Variants in GDAP1 observed in about 807,000 individuals in gnomAD.
GDAP1 encodes the protein ganglioside induced differentiation associated protein 1.
In GDAP1, 34 loss-of-function variants were observed where a neutral mutation model predicts 40.1. That is an observed-to-expected ratio of 0.85 (90% CI 0.64 to 1.13). The LOEUF is 1.13. Ranked by LOEUF, GDAP1 falls within the 50% of genes most tolerant of loss-of-function variation. The pLI, the probability that GDAP1 is intolerant of heterozygous loss-of-function variation, is 0.00. For missense variants in GDAP1, 374 were observed against 433.7 expected (o/e 0.86, Z 1.22); for synonymous variants, 170 against 157.4 (o/e 1.08, Z -0.60).
At chr8:74,387,328 A>G (rs1810040175) in intron 2 of GDAP1, among the ~76,000 whole-genome samples, 1 of 152,204 alleles carries the variant, frequency 6.6e-6, no homozygotes, top group African/African-American at 2.4e-5. Context: ...TGTCATAAAT[A>G]GCTCTTATTA....
chr8:74,460,267 A>G (rs1806384932), intron 2 of GDAP1, among the ~76,000 whole-genome samples: 1 of 152,230 alleles, frequency 6.6e-6, no homozygotes, highest in African/African-American at 2.4e-5. Context: ...TTGATCAAGC[A>G]TTTGTTGATA....
At chr8:74,404,707 C>T (rs180709488) in intron 2 of GDAP1, among the ~76,000 whole-genome samples, 6 of 149,896 alleles carry the variant, frequency 4.0e-5, no homozygotes, top group African/African-American at 1.3e-4. Context: ...AGACCGTTCT[C>T]TTTCCTCCAT....
intron 2 of GDAP1, among the ~76,000 whole-genome samples, chr8:74,432,176 A>G (rs1174748211): frequency 2.0e-5 from 3 of 152,162 alleles, no homozygotes; most frequent in Non-Finnish European, 2.9e-5. Flanking sequence ...TGGAGGGTGC[A>G]TAACTCACAG....
intron 2 of GDAP1, among the ~76,000 whole-genome samples, chr8:74,409,891 A>G (rs967881643): frequency 6.7e-6 from 1 of 150,044 alleles, no homozygotes; most frequent in Non-Finnish European, 1.5e-5. Context: ...TTAGTTGGTC[A>G]GAAAGATGGA....
At chr8:74,403,331 G>A (rs1307771249) in intron 2 of GDAP1, among the ~76,000 whole-genome samples, 1 of 150,044 alleles carries the variant, frequency 6.7e-6, no homozygotes, top group East Asian at 1.9e-4. Flanking sequence ...AAATCTAAAA[G>A]GAGGAAATAG....
At chr8:74,439,572 C>T (rs2131570780) in intron 2 of GDAP1, among the ~76,000 whole-genome samples, 1 of 150,734 alleles carries the variant, frequency 6.6e-6, no homozygotes, top group Non-Finnish European at 1.5e-5. Context: ...TTAAACTTGT[C>T]TTGGGTTCCT....
intron 2 of GDAP1, among the ~76,000 whole-genome samples, chr8:74,461,675 A>G (rs1053927617): frequency 6.6e-6 from 1 of 152,206 alleles, no homozygotes; most frequent in African/African-American, 2.4e-5. Flanking sequence ...TTGGCATTGT[A>G]TGGATAGATT....
At chr8:74,372,824 G>C (rs1237660887) in intron 2 of GDAP1, among the ~76,000 whole-genome samples, 2 of 152,292 alleles carry the variant, frequency 1.3e-5, no homozygotes, top group East Asian at 3.9e-4. Context: ...TGGTGTTTTA[G>C]ACATGAAGTC....
chr8:74,377,805 A>C (rs749732233), intron 2 of GDAP1, among the ~76,000 whole-genome samples: 26 of 152,166 alleles, frequency 1.7e-4, no homozygotes, highest in Non-Finnish European at 3.4e-4. Context: ...CAATATCCAC[A>C]TGTTTGTGCA....
intron 2 of GDAP1, among the ~76,000 whole-genome samples, chr8:74,398,846 T>TG (rs1810260961): frequency 6.6e-6 from 1 of 152,010 alleles, no homozygotes; most frequent in Non-Finnish European, 1.5e-5. Context: ...TATGCTGGAT[T>TG]GCATTTATTG....
At position 74,366,361 on chromosome 8, in the gene GDAP1, A is replaced by G. The variant is rs1449219962; in HGVS notation, c.*1994A>G. On this transcript the variant is annotated 3_prime_UTR_variant, in exon 6 of 6. Transcript: ENST00000220822. ...AACTCTTCTAAAATGTTTCAAGCAAAGATAGTAATGACCTCAGTTTCTGAA... is the reference window on the plus strand; with the variant it reads ...AACTCTTCTAAAATGTTTCAAGCAAGGATAGTAATGACCTCAGTTTCTGAA... 2.6e-5 allele frequency: 12 copies of G among 454,374 alleles called. No homozygotes were observed. The highest frequency in any genetic ancestry group is 2.1e-4 in the Admixed American group (9 of 42,560). 28.1% of individuals were successfully genotyped at this position (454,374 alleles called of 1,614,324 possible).
intron 2 of GDAP1, among the ~76,000 whole-genome samples, chr8:74,394,601 T>G (rs1043860835): frequency 5.3e-5 from 8 of 152,268 alleles, no homozygotes; most frequent in Non-Finnish European, 1.0e-4. Flanking sequence ...GCAGAGTTAG[T>G]CATTTTTTTT....
intron 4 of GDAP1, 39 bp downstream of exon 4, chr8:74,362,017 C>T (rs376427753): frequency 4.9e-5 from 49 of 1,004,192 alleles, no homozygotes; most frequent in Admixed American, 1.9e-4. Flanking sequence ...ATACACTGCA[C>T]GGAGTAAATG....
In GDAP1 at chr8:74,364,018, C is replaced by A. The variant is rs1256984085; in HGVS notation, c.728C>A (p.Ser243Tyr). ...CAGCAACCTTGGCTCTGCGGTGAAT[C>A]CTTCACCCTGGCAGACGTCTCACTC... ...EGQQPWLCGE[S>Y]FTLADVSLAV... Residue 243 changes from serine (S) to tyrosine (Y), a missense_variant, in exon 6 of 6, where the codon TCC becomes TAC. Coordinates refer to ENST00000220822, the MANE Select transcript of GDAP1 (RefSeq NM_018972.4). 2 of 1,613,530 alleles carry A rather than the reference C, an allele frequency of 1.2e-6. No individual in the cohort carries two copies. Among genetic ancestry groups the A allele is most frequent in the Non-Finnish European group, 1.7e-6 (2 of 1,179,580 alleles).
chr8:74,467,409 T>C (rs1279125908), intron 2 of GDAP1, among the ~76,000 whole-genome samples: 2 of 152,126 alleles, frequency 1.3e-5, no homozygotes, highest in Non-Finnish European at 2.9e-5. Flanking sequence ...TTAACCACTG[T>C]GACATAAGTT....
At chr8:74,400,195 G>C (rs1242129666) in intron 2 of GDAP1, among the ~76,000 whole-genome samples, 1 of 149,764 alleles carries the variant, frequency 6.7e-6, no homozygotes, top group East Asian at 1.9e-4. Flanking sequence ...AAGTCTCTTT[G>C]TATGTCACTC....
chr8:74,363,442 A>C (rs556644921), intron 5 of GDAP1, among the ~76,000 whole-genome samples: 2 of 152,204 alleles, frequency 1.3e-5, no homozygotes, highest in South Asian at 4.1e-4. Context: ...GCATCTGTAG[A>C]CTGGCTGGTA....
At chr8:74,475,604 T>G (rs1014567492) in intron 2 of GDAP1, among the ~76,000 whole-genome samples, 25 of 152,226 alleles carry the variant, frequency 1.6e-4, no homozygotes, top group African/African-American at 5.8e-4. Flanking sequence ...TGAGCTACTT[T>G]TTTAGTCTTG....
At chr8:74,481,623 T>C (rs1806711971) in intron 2 of GDAP1, among the ~76,000 whole-genome samples, 1 of 152,234 alleles carries the variant, frequency 6.6e-6, no homozygotes, top group Admixed American at 6.5e-5. Context: ...TAATAAGTTG[T>C]TCACCCCTGT....
Sources: allele counts gnomAD v4.1 joint callset (sites outside exome capture counted in the v4.1 genomes callset), GRCh38; gene constraint gnomAD v4.1.1; transcripts MANE v1.5; gene names NCBI Gene and HGNC (gene_info 2026-07-23, HGNC 2026-07-21).